The following LARP1 variants were observed in gnomAD, a reference collection of about 807,000 sequenced individuals.
The protein encoded by LARP1 is la-related protein 1.
A neutral mutation model predicts 122.7 loss-of-function variants in LARP1; 36 were observed. That is an observed-to-expected ratio of 0.29 (90% confidence interval 0.22 to 0.39). The LOEUF is 0.39. Ranked by LOEUF, LARP1 falls within the 10% of genes least tolerant of loss-of-function variation. The probability of loss-of-function intolerance (pLI) is 1.00; values close to 1 mark genes in which losing one functional copy is unlikely to be tolerated. For missense variants in LARP1, 1,040 were observed against 1,403.6 expected, an observed-to-expected ratio of 0.74 and a Z score of 4.14; for synonymous variants, 539 against 528.7, an observed-to-expected ratio of 1.02 and a Z score of -0.27.
chr5:154,690,062 T>TA (rs36087779), intron 1 of LARP1, among the ~76,000 whole-genome samples: 3 of 150,880 alleles, frequency 2.0e-5, no homozygotes, highest in Non-Finnish European at 3.0e-5. Flanking sequence ...AAATTTAAAT[T>TA]AAAAAAAAAT....
chr5:154,777,057 G>A (rs979462814), intron 1 of LARP1, among the ~76,000 whole-genome samples: 2 of 152,182 alleles, frequency 1.3e-5, no homozygotes, highest in Non-Finnish European at 2.9e-5. Context: ...TAGAGTGTAC[G>A]TACACAAACA....
intron 1 of LARP1, among the ~76,000 whole-genome samples, chr5:154,769,351 A>G (rs1430042404): frequency 2.6e-5 from 4 of 152,170 alleles, no homozygotes; most frequent in African/African-American, 9.7e-5. Context: ...TCCTTCCAAC[A>G]TGAGGTCTAT....
chr5:154,785,204 A>G (rs1756783927), intron 1 of LARP1, among the ~76,000 whole-genome samples: 1 of 152,182 alleles, frequency 6.6e-6, no homozygotes, highest in Non-Finnish European at 1.5e-5. Flanking sequence ...CTGAAGGGCA[A>G]TGTGGTGGTG....
chr5:154,805,651 G>A (rs1381405974), intron 14 of LARP1: 1 of 478,306 alleles, frequency 2.1e-6, no homozygotes. Context: ...GACCCTGGAT[G>A]AGTCTCCTAA....
intron 1 of LARP1, among the ~76,000 whole-genome samples, chr5:154,738,681 G>GCTTT (rs1351881404): frequency 6.6e-6 from 1 of 152,090 alleles, no homozygotes; most frequent in Non-Finnish European, 1.5e-5. Context: ...TTTTCTTGAG[G>GCTTT]CTTTAGACCA....
intron 14 of LARP1, among the ~76,000 whole-genome samples, 169 bp downstream of exon 14, chr5:154,804,476 CG>C (rs1758594807): frequency 6.6e-6 from 1 of 152,084 alleles, no homozygotes; most frequent in Admixed American, 6.5e-5. Flanking sequence ...CTGGGAATGA[CG>C]GGTAGGCTTT....
chr5:154,710,891 C>G (rs1431176509), upstream of LARP1, among the ~76,000 whole-genome samples: 1 of 152,058 alleles, frequency 6.6e-6, no homozygotes, highest in Non-Finnish European at 1.5e-5. Flanking sequence ...AACTCACTTG[C>G]TTTATTACAT....
intron 1 of LARP1, among the ~76,000 whole-genome samples, chr5:154,719,588 G>A (rs534885375): frequency 9.2e-5 from 14 of 152,302 alleles, no homozygotes; most frequent in Middle Eastern, 3.4e-3. Flanking sequence ...GTAGCCAGGC[G>A]TGGTGGCTCA....
At chr5:154,746,644 C>A (rs538434794) in intron 1 of LARP1, among the ~76,000 whole-genome samples, 3 of 152,184 alleles carry the variant, frequency 2.0e-5, no homozygotes, top group East Asian at 1.9e-4. Context: ...CAACCAAAGA[C>A]AATCATGTCT....
In LARP1 at chr5:154,744,616, A is replaced by ATT. The variant is rs748853573; in HGVS notation, c.205+31524_205+31525dup. ...CAGGGGAAAGGGCATTGGATATGCA[A>ATT]TTTTTTTTTTTTTTTTTTTTTTTTT... On this transcript the variant is annotated intron_variant, in intron 1 of 18. Transcript: ENST00000336314. Among the ~76,000 whole-genome samples the ATT allele has an allele frequency of 2.3e-3, 168 of 72,000 alleles. 50 individuals are homozygous for ATT. The highest frequency in any genetic ancestry group is 6.3e-3 in the African/African-American group (114 of 18,054). The allele number at this position is 72,000 out of a possible 152,430, so 47.2% of individuals were successfully genotyped here.
intron 1 of LARP1, among the ~76,000 whole-genome samples, chr5:154,686,629 CT>C (rs200347214): frequency 0.012 from 1,802 of 152,282 alleles, 38 homozygotes; most frequent in African/African-American, 0.041. Flanking sequence ...AAGGTGTGGG[CT>C]TACTCCAGTT....
At chr5:154,799,849 G>A (rs1328837543) in intron 9 of LARP1, 24 bp from the exon 10 acceptor site, 2 of 1,612,336 alleles carry the variant, frequency 1.2e-6, no homozygotes, top group Admixed American at 1.7e-5. Context: ...GGAGGGATGA[G>A]GACTTCCCCT....
intron 1 of LARP1, among the ~76,000 whole-genome samples, chr5:154,788,328 G>T (rs1330603829): frequency 1.3e-5 from 2 of 152,200 alleles, no homozygotes; most frequent in African/African-American, 2.4e-5. Flanking sequence ...GATGCTGTTG[G>T]CTGGGTTCCA....
At chr5:154,783,747 G>T (rs1176792443) in intron 1 of LARP1, among the ~76,000 whole-genome samples, 1 of 152,110 alleles carries the variant, frequency 6.6e-6, no homozygotes, top group Non-Finnish European at 1.5e-5. Flanking sequence ...ACAGTGTGTG[G>T]TATCTAGTAA....
intron 1 of LARP1, among the ~76,000 whole-genome samples, chr5:154,713,575 A>G (rs1239231618): frequency 1.3e-5 from 2 of 151,758 alleles, no homozygotes; most frequent in African/African-American, 2.4e-5. Flanking sequence ...TTTTCATTTG[A>G]CCTTTTGAAA....
rs755016690 is a variant in LARP1, at chr5:154,815,107, C to CTTGG, written c.*1012_*1015dup. The CTTGG allele has an allele frequency of 6.6e-6, 1 of 152,556 alleles. No homozygotes were observed. Among genetic ancestry groups the CTTGG allele is most frequent in the Non-Finnish European group, 1.5e-5 (1 of 68,030 alleles). 9.5% of individuals were successfully genotyped at this position (152,556 alleles called of 1,614,324 possible). On this transcript the variant is annotated 3_prime_UTR_variant, in exon 19 of 19. Transcript: ENST00000518297. ...CCCACCTTCTCTGGATGTGCCTGGG[C>CTTGG]TTGGACTGGCTAGAATCTTTCTCTG...
chr5:154,769,360 A>G (rs555312462), intron 1 of LARP1, among the ~76,000 whole-genome samples: 19 of 152,244 alleles, frequency 1.2e-4, no homozygotes, highest in African/African-American at 3.1e-4. Flanking sequence ...CATGAGGTCT[A>G]TGGGCCCAGA....
upstream of LARP1, among the ~76,000 whole-genome samples, chr5:154,753,548 A>C (rs1177573650): frequency 6.6e-6 from 1 of 152,236 alleles, no homozygotes; most frequent in Non-Finnish European, 1.5e-5. Context: ...TCATTGAGTA[A>C]CATTACCTTC....
At chr5:154,733,395 A>G (rs1320433793) in intron 1 of LARP1, among the ~76,000 whole-genome samples, 1 of 151,908 alleles carries the variant, frequency 6.6e-6, no homozygotes, top group African/African-American at 2.4e-5. Context: ...GGGTCTGGCT[A>G]TGTTGCCCAA....
Sources: gnomAD v4.1 joint callset for allele counts (sites outside exome capture counted in the v4.1 genomes callset) on GRCh38, gnomAD v4.1.1 for gene constraint, MANE v1.5 for transcripts, NCBI Gene and HGNC (gene_info 2026-07-23, HGNC 2026-07-21) for gene names.